Variants in SPRYD3 observed in about 807,000 individuals in gnomAD.
The protein encoded by SPRYD3 is SPRY domain containing 3, also known as SPRY domain-containing protein 3.
A neutral mutation model predicts 50.1 loss-of-function variants in SPRYD3; 17 were observed. The ratio of observed to expected loss-of-function variants is 0.34; its 90% CI spans 0.23 to 0.51. SPRYD3 has a LOEUF of 0.51. Ranked by LOEUF, SPRYD3 falls within the 20% of genes least tolerant of loss-of-function variation. The pLI is 0.97. For synonymous variants in SPRYD3, 198 were observed against 215.5 expected (o/e 0.92, Z 0.71); for missense variants, 401 against 591.2 (o/e 0.68, Z 3.34).
At chr12:53,076,243 G>A (rs928613895) in intron 2 of SPRYD3, among the ~76,000 whole-genome samples, 9 of 152,200 alleles carry the variant, frequency 5.9e-5, no homozygotes, top group Non-Finnish European at 1.3e-4. Flanking sequence ...CAGTGATTCA[G>A]TTCCCACTCC....
chr12:53,065,668 C>T lies in SPRYD3; in HGVS notation c.*164G>A, dbSNP rs1330552284. Reference sequence around the variant, plus strand: ...AACAGTGGCAGCACCAGGTCAGAAACGTGGGCACAGAGAAGCGTGACAGGG... The same window carrying T: ...AACAGTGGCAGCACCAGGTCAGAAATGTGGGCACAGAGAAGCGTGACAGGG... On this transcript the variant is annotated 3_prime_UTR_variant, in exon 11 of 11. Transcript: ENST00000301463. The T allele has an allele frequency of 5.6e-6, 4 of 717,940 alleles. No individual in the cohort carries two copies. The highest frequency in any genetic ancestry group is 5.0e-5 in the East Asian group (2 of 39,684). The allele number at this position is 717,940 out of a possible 1,614,324, so 44.5% of individuals were successfully genotyped here. A position where few individuals can be genotyped will look rare whatever the true frequency, so the allele number is the denominator to read the frequency against.
chr12:53,074,851 G>A lies in SPRYD3; in HGVS notation c.372-67C>T, dbSNP rs760794438. 7 of 1,577,714 alleles carry A rather than the reference G, an allele frequency of 4.4e-6. No homozygotes were observed. Among genetic ancestry groups the A allele is most frequent in the Non-Finnish European group, 5.2e-6 (6 of 1,150,954 alleles). On this transcript the variant is annotated intron_variant, in intron 4 of 10. Coordinates refer to ENST00000301463, the MANE Select transcript of SPRYD3 (RefSeq NM_032840.3). This position sits in a 1 kb window ranked among gnomAD's most constrained non-coding sequence, Gnocchi z 4.6. ...TCCCAACTTCTCCCCAGCACTGACA[G>A]CAGAGGCCTCATCCTCATCTTGCTG...
chr12:53,074,159 C>G lies in SPRYD3; in HGVS notation c.507+490G>C, dbSNP rs779905611. On this transcript the variant is annotated intron_variant, in intron 5 of 10. Transcript: ENST00000301463. The surrounding 1 kb of genome is among the most constrained non-coding windows in gnomAD (Gnocchi z 4.6). ...AGAAGGGAGAGAGCTGTGTGTCTCT[C>G]TCTACTATTGGCTCCTGTCCCATCT... Among the ~76,000 whole-genome samples the G allele has an allele frequency of 1.3e-4, 20 of 152,194 alleles. No individual in the cohort carries two copies. Among genetic ancestry groups the G allele is most frequent in the Non-Finnish European group, 2.5e-4 (17 of 68,038 alleles).
At position 53,068,219 on chromosome 12, in the gene SPRYD3, T is replaced by C; in HGVS notation, c.779A>G (p.Tyr260Cys). 6.2e-7 allele frequency: 1 copy of C among 1,614,212 alleles called. No homozygotes were observed. The highest frequency in any genetic ancestry group is 8.5e-7 in the Non-Finnish European group (1 of 1,180,028). Residue 260 changes from tyrosine (Y) to cysteine (C), a missense_variant, in exon 7 of 11, where the codon TAC becomes TGC. Tyr to Cys is a radical substitution (Grantham distance 194). Coordinates refer to ENST00000301463, the MANE Select transcript of SPRYD3 (RefSeq NM_032840.3). ...ARHPLSTRSH[Y>C]FEVEIVDPGE... ...AGGGTCCACGATCTCCACCTCGAAGTAGTGGCTGCGGGTGCTGAGTGGGTG... is the reference window on the plus strand; with the variant it reads ...AGGGTCCACGATCTCCACCTCGAAGCAGTGGCTGCGGGTGCTGAGTGGGTG...
chr12:53,065,559 C>A lies in SPRYD3; in HGVS notation c.*273G>T. ...AAGGGGGACCCAGAAGCCCACTGACCAAAGCGAGTGGGACCACCCACATAC... is the reference window on the plus strand; with the variant it reads ...AAGGGGGACCCAGAAGCCCACTGACAAAAGCGAGTGGGACCACCCACATAC... On this transcript the variant is annotated 3_prime_UTR_variant, in exon 11 of 11. Transcript: ENST00000301463. 5.0e-6 allele frequency: 2 copies of A among 403,488 alleles called. No individual in the cohort carries two copies. Among genetic ancestry groups the A allele is most frequent in the Non-Finnish European group, 9.1e-6 (2 of 220,880 alleles). The allele number at this position is 403,488 out of a possible 1,614,324, so 25.0% of individuals were successfully genotyped here. A position where few individuals can be genotyped will look rare whatever the true frequency, so the allele number is the denominator to read the frequency against.
rs996509279 is a variant in SPRYD3 at position 53,065,624 on chromosome 12, C to T, written c.*208G>A. 2 of 561,940 alleles carry T rather than the reference C, an allele frequency of 3.6e-6. No individual in the cohort carries two copies. Among genetic ancestry groups the T allele is most frequent in the Admixed American group, 3.0e-5 (1 of 33,382 alleles). 34.8% of individuals were successfully genotyped at this position (561,940 alleles called of 1,614,324 possible). A position where few individuals can be genotyped will look rare whatever the true frequency, so the allele number is the denominator to read the frequency against. On this transcript the variant is annotated 3_prime_UTR_variant, in exon 11 of 11. Coordinates refer to ENST00000301463, the MANE Select transcript of SPRYD3 (RefSeq NM_032840.3). ...GGGTCCATTCCTGTCCAACCAGGGA[C>T]TCAGGCCCAGGGACTGACAACAGTG...
Position 53,077,198 on chromosome 12 carries a change from C to T in SPRYD3, c.87G>A (p.Arg29=). 1 of 1,614,200 alleles carries T rather than the reference C, an allele frequency of 6.2e-7. No homozygotes were observed. The change falls in exon 2 of 11, where the codon CGG becomes CGA. Residue 29 remains arginine, a synonymous_variant. Coordinates refer to ENST00000301463, the MANE Select transcript of SPRYD3 (RefSeq NM_032840.3). ...GGACCTCTCGAATCTCCCGGATCCG[C>T]CGGCGCCAATTCAGAAACCGGTAGT... ...NLHYRFLNWR[R]RIREIREVRA...
chr12:53,078,484 C>CA (rs79320546), intron 1 of SPRYD3, among the ~76,000 whole-genome samples: 4,819 of 68,554 alleles, frequency 0.07, 118 homozygotes, highest in African/African-American at 0.13. Context: ...AACTCCATCT[C>CA]AAAAAAAAAA....
At chr12:53,078,190 A>G (rs1197440820) in intron 1 of SPRYD3, 7 of 391,610 alleles carry the variant, frequency 1.8e-5, no homozygotes, top group South Asian at 3.5e-5. Context: ...AAAAAAAAAG[A>G]AAAAAAAATG....
At chr12:53,066,213 C>A in intron 10 of SPRYD3, 101 bp downstream of exon 10, 8 of 1,541,398 alleles carry the variant, frequency 5.2e-6, no homozygotes, top group Non-Finnish European at 7.0e-6. Flanking sequence ...GCCAGAGCTT[C>A]CCGTCTTTCC....
chr12:53,073,258 C>CCCCGGGGGGGGGGGGGGGGGGGG, intron 6 of SPRYD3, 28 bp downstream of exon 6: 1 of 397,790 alleles, frequency 2.5e-6, no homozygotes. Context: ...CCGACCCAGC[C>CCCCGGGGGGGGGGGGGGGGGGGG]CCTCCCACCC....
chr12:53,066,053 A>C, intron 10 of SPRYD3, 87 bp from the exon 11 acceptor site: 1 of 1,509,556 alleles, frequency 6.6e-7, no homozygotes, highest in Non-Finnish European at 9.0e-7. Context: ...CTGAACCCCA[A>C]TCACCCCAGC....
intron 5 of SPRYD3, 27 bp from the exon 6 acceptor site, chr12:53,073,498 C>T (rs1400371929): frequency 6.6e-7 from 1 of 1,503,832 alleles, no homozygotes. Context: ...GACGGAGCTG[C>T]CACCCGGCCT....
At position 53,074,802 on chromosome 12, in the gene SPRYD3, C is replaced by T; in HGVS notation, c.372-18G>A. ...TGTACAGCCTACAGACAGAGTAGTA[C>T]AGACACAGGACCCGAGCCTGGCCTC... On this transcript the variant is annotated intron_variant, in intron 4 of 10. Coordinates refer to ENST00000301463, the MANE Select transcript of SPRYD3 (RefSeq NM_032840.3). The surrounding 1 kb of genome is among the most constrained non-coding windows in gnomAD (Gnocchi z 4.6). The T allele has an allele frequency of 6.2e-7, 1 of 1,613,940 alleles. No individual in the cohort carries two copies. The highest frequency in any genetic ancestry group is 8.5e-7 in the Non-Finnish European group (1 of 1,179,818).
Position 53,064,344 on chromosome 12 carries a change from C to A in SPRYD3, c.*1488G>T. ...GGGAAAAAAGAGAGTCTATTTTTGT[C>A]TAATAATAAAGAATTTCTATAAACT... On this transcript the variant is annotated 3_prime_UTR_variant, in exon 11 of 11. Coordinates refer to ENST00000301463, the MANE Select transcript of SPRYD3 (RefSeq NM_032840.3). 1 of 157,904 alleles carries A rather than the reference C, an allele frequency of 6.3e-6. No individual in the cohort carries two copies. The highest frequency in any genetic ancestry group is 1.4e-5 in the Non-Finnish European group (1 of 71,844). The allele number at this position is 157,904 out of a possible 1,614,324, so 9.8% of individuals were successfully genotyped here.
At chr12:53,066,228 C>G (rs1944504941) in intron 10 of SPRYD3, 86 bp downstream of exon 10, 2 of 1,553,572 alleles carry the variant, frequency 1.3e-6, no homozygotes, top group Non-Finnish European at 1.7e-6. Flanking sequence ...CTTTCCCACC[C>G]TGGTTGTGAG....
intron 6 of SPRYD3, among the ~76,000 whole-genome samples, chr12:53,070,671 T>C (rs965385711): frequency 2.6e-5 from 4 of 152,182 alleles, no homozygotes; most frequent in Non-Finnish European, 5.9e-5. Flanking sequence ...CCAATACACA[T>C]TGCTGCCTCT....
At chr12:53,067,764 G>A (rs1944520616) in intron 7 of SPRYD3, 59 bp from the exon 8 acceptor site, 9 of 1,495,232 alleles carry the variant, frequency 6.0e-6, no homozygotes, top group African/African-American at 1.4e-5. Flanking sequence ...ACAGGAGAGA[G>A]TGGCGAGTAG....
At chr12:53,073,260 C>CGGGGGGGGGGGGCG in intron 6 of SPRYD3, 26 bp downstream of exon 6, 1 of 416,308 alleles carries the variant, frequency 2.4e-6, no homozygotes, top group Non-Finnish European at 4.4e-6. Flanking sequence ...GACCCAGCCC[C>CGGGGGGGGGGGGCG]TCCCACCCTC....
Sources: gnomAD v4.1 joint callset for allele counts (sites outside exome capture counted in the v4.1 genomes callset) on GRCh38, gnomAD v4.1.1 for gene constraint, Gnocchi (gnomAD v3.1) non-coding constraint, MANE v1.5 for transcripts, NCBI Gene and HGNC (gene_info 2026-07-23, HGNC 2026-07-21) for gene names.